Variants in USP31 observed in about 807,000 individuals in gnomAD.
USP31 encodes ubiquitin carboxyl-terminal hydrolase 31.
Under a neutral mutation model 119.4 loss-of-function variants are expected in USP31, and 44 were observed. The observed-to-expected ratio is 0.37, with a 90% CI of 0.29 to 0.47. The LOEUF is 0.47. Ranked by LOEUF, USP31 falls within the 20% of genes least tolerant of loss-of-function variation. The pLI, the probability that USP31 is intolerant of heterozygous loss-of-function variation, is 0.99. For synonymous variants in USP31, 749 were observed against 705.6 expected (o/e 1.06, Z -0.97); for missense variants, 1,643 against 1,730.2 (o/e 0.95, Z 0.89).
Position 23,087,729 on chromosome 16 carries a change from T to C in USP31, c.1522A>G (p.Ile508Val), listed in dbSNP as rs1346830292. 1.9e-6 allele frequency: 3 copies of C among 1,614,022 alleles called. No individual in the cohort carries two copies. The highest frequency in any genetic ancestry group is 2.5e-6 in the Non-Finnish European group (3 of 1,179,934). Residue 508 changes from isoleucine to valine, a missense_variant, in exon 8 of 16, where the codon ATT (isoleucine) becomes GTT (valine). This residue lies in a region of USP31 where 219 missense variants were observed against 226.4 expected (regional missense o/e 0.97). Coordinates refer to ENST00000219689, the MANE Select transcript of USP31 (RefSeq NM_020718.4). ...ATATCAAAATGCTTACAAACCTGAATGCAAACCGTGGGCCTCAAGAAATAC... is the reference window on the plus strand; with the variant it reads ...ATATCAAAATGCTTACAAACCTGAACGCAAACCGTGGGCCTCAAGAAATAC... ...MKYFLRPTVCIQVCPFSLRVV... is the reference protein window; with the variant it reads ...MKYFLRPTVCVQVCPFSLRVV...
intron 1 of USP31, among the ~76,000 whole-genome samples, chr16:23,137,021 TA>T (rs1453109048): frequency 6.6e-6 from 1 of 152,192 alleles, no homozygotes; most frequent in Non-Finnish European, 1.5e-5. Flanking sequence ...AAGACCAGCC[TA>T]GGCAACAAGG....
intron 1 of USP31, among the ~76,000 whole-genome samples, chr16:23,142,435 T>G (rs1006865539): frequency 1.3e-5 from 2 of 152,134 alleles, no homozygotes; most frequent in African/African-American, 4.8e-5. Flanking sequence ...GAGGAAAAAA[T>G]GTTACACGTT....
rs1211513078 is a variant in USP31 at position 23,087,731 on chromosome 16, C to T, written c.1520G>A (p.Cys507Tyr). 1 of 1,614,012 alleles carries T rather than the reference C, an allele frequency of 6.2e-7. No homozygotes were observed. Among genetic ancestry groups the T allele is most frequent in the Non-Finnish European group, 8.5e-7 (1 of 1,179,950 alleles). ...ATCAAAATGCTTACAAACCTGAATGCAAACCGTGGGCCTCAAGAAATACTT... is the reference window on the plus strand; with the variant it reads ...ATCAAAATGCTTACAAACCTGAATGTAAACCGTGGGCCTCAAGAAATACTT... ...KMKYFLRPTV[C>Y]IQVCPFSLRV... Residue 507 changes from cysteine (C) to tyrosine (Y), a missense_variant, in exon 8 of 16, where the codon TGC (cysteine) becomes TAC (tyrosine). Transcript: ENST00000219689.
At chr16:23,128,391 T>C (rs1902930581) in intron 1 of USP31, among the ~76,000 whole-genome samples, 1 of 152,224 alleles carries the variant, frequency 6.6e-6, no homozygotes, top group Admixed American at 6.5e-5. Context: ...TGGGACAATT[T>C]TGAGCATCAA....
rs79005200 is a variant in USP31 at position 23,147,027 on chromosome 16, A to C, written c.633+1611T>G. On this transcript the variant is annotated intron_variant, in intron 1 of 15. Coordinates refer to ENST00000219689, the MANE Select transcript of USP31 (RefSeq NM_020718.4). The stretch of plus-strand genomic sequence containing the variant: ...GAGGTATTAAAAACAGGCTAACATC[A>C]AGCTGAGACTTCGTCCTGGGCAAGA... Among the ~76,000 whole-genome samples the C allele has an allele frequency of 3.4e-3, 513 of 152,024 alleles. 3 individuals carry two copies. Among genetic ancestry groups the C allele is most frequent in the African/African-American group, 0.012 (499 of 41,486 alleles).
At chr16:23,132,861 T>C (rs746374921) in intron 1 of USP31, among the ~76,000 whole-genome samples, 2 of 152,184 alleles carry the variant, frequency 1.3e-5, no homozygotes, top group Non-Finnish European at 2.9e-5. Flanking sequence ...CAAACACCGT[T>C]TTAAAACCTC....
chr16:23,123,475 A>C (rs34105023), intron 1 of USP31, among the ~76,000 whole-genome samples: 2 of 152,006 alleles, frequency 1.3e-5, no homozygotes, highest in South Asian at 2.1e-4. Context: ...GAGGTGGAGG[A>C]TGCAGTGAGC....
At chr16:23,096,214 A>T (rs184014131) in intron 6 of USP31, among the ~76,000 whole-genome samples, 14 of 152,290 alleles carry the variant, frequency 9.2e-5, no homozygotes, top group Non-Finnish European at 1.5e-5. Flanking sequence ...ATAAAACAGA[A>T]TTTAAACCAA....
At chr16:23,086,629 T>G (rs1323330509) in intron 9 of USP31, among the ~76,000 whole-genome samples, 1 of 152,170 alleles carries the variant, frequency 6.6e-6, no homozygotes, top group Non-Finnish European at 1.5e-5. Flanking sequence ...TCATCTGTAC[T>G]TTAATGCTGC....
At chr16:23,083,369 A>G (rs1282322418) in intron 11 of USP31, among the ~76,000 whole-genome samples, 1 of 152,166 alleles carries the variant, frequency 6.6e-6, no homozygotes, top group Non-Finnish European at 1.5e-5. Context: ...AACAGCATGA[A>G]GGCAAAAATG....
chr16:23,098,078 C>A (rs998583356), intron 6 of USP31, among the ~76,000 whole-genome samples: 2 of 151,960 alleles, frequency 1.3e-5, no homozygotes, highest in East Asian at 3.9e-4. Flanking sequence ...AAAACCCCAT[C>A]GTCTCAGCCC....
intron 1 of USP31, among the ~76,000 whole-genome samples, chr16:23,123,081 G>C (rs1902727847): frequency 6.6e-6 from 1 of 152,152 alleles, no homozygotes; most frequent in Non-Finnish European, 1.5e-5. Flanking sequence ...TCTAATGGAT[G>C]GTGTTAGAAG....
intron 1 of USP31, among the ~76,000 whole-genome samples, chr16:23,125,217 C>T (rs1347599183): frequency 6.6e-6 from 1 of 152,138 alleles, no homozygotes; most frequent in Non-Finnish European, 1.5e-5. Context: ...TACTATGTGG[C>T]AATGAAAAGG....
chr16:23,102,511 C>A, intron 5 of USP31, 48 bp from the exon 6 acceptor site: 1 of 1,576,096 alleles, frequency 6.3e-7, no homozygotes, highest in East Asian at 2.3e-5. Flanking sequence ...AAATTCGATA[C>A]TAATTGATCT....
intron 1 of USP31, among the ~76,000 whole-genome samples, chr16:23,129,941 A>T (rs1362196988): frequency 6.6e-6 from 1 of 152,244 alleles, no homozygotes; most frequent in Admixed American, 6.5e-5. Context: ...CCAGCAAAGT[A>T]GTCAGGGGAC....
chr16:23,082,589 C>T, intron 11 of USP31, 32 bp from the exon 12 acceptor site: 3 of 1,612,910 alleles, frequency 1.9e-6, no homozygotes, highest in Non-Finnish European at 2.5e-6. Flanking sequence ...CCGTTAAGTG[C>T]CACTTAATGC....
Position 23,084,963 on chromosome 16 carries a change from T to C in USP31, c.1727A>G (p.Tyr576Cys). 4 of 1,614,084 alleles carry C rather than the reference T, an allele frequency of 2.5e-6. No individual in the cohort carries two copies. The highest frequency in any genetic ancestry group is 3.4e-6 in the Non-Finnish European group (4 of 1,180,024). The change falls in exon 11 of 16, where the codon TAT becomes TGT. Residue 576 changes from tyrosine (Y) to cysteine (C), a missense_variant. By Grantham distance (194) the Tyr-to-Cys change is radical. Coordinates refer to ENST00000219689, the MANE Select transcript of USP31 (RefSeq NM_020718.4). Reference sequence around the variant, plus strand: ...ACGAACACTTTCTGCATCAGGAATATACTCATCCTCAGTATTTACAAATAA... The same window carrying C: ...ACGAACACTTTCTGCATCAGGAATACACTCATCCTCAGTATTTACAAATAA... Reference protein sequence around the residue: ...DFLFVNTEDEYIPDAESVRLQ... With the variant: ...DFLFVNTEDECIPDAESVRLQ...
In USP31 at chr16:23,106,408, G is replaced by A. The variant is rs1902106814; in HGVS notation, c.851C>T (p.Ala284Val). ...TCCGATTTTCTCATACCTGTATTGC[G>A]CTTGAAAGAGTTCTTGTACAAAAGT... ...CSTFVQELFQ[A>V]QYRSSLTCPH... is the part of the protein sequence containing the mutation. Residue 284 changes from alanine (A) to valine (V), a missense_variant, in exon 3 of 16, where the codon GCG becomes GTG. Transcript: ENST00000219689. 1 of 1,613,740 alleles carries A rather than the reference G, an allele frequency of 6.2e-7. No individual in the cohort carries two copies. The highest frequency in any genetic ancestry group is 8.5e-7 in the Non-Finnish European group (1 of 1,179,854).
At chr16:23,072,919 A>G (rs1900406184) in intron 14 of USP31, among the ~76,000 whole-genome samples, 1 of 151,938 alleles carries the variant, frequency 6.6e-6, no homozygotes, top group Admixed American at 6.6e-5. Flanking sequence ...GCAGGGCGTC[A>G]TTCTGCTTGA....
Sources: allele counts gnomAD v4.1 joint callset (sites outside exome capture counted in the v4.1 genomes callset), GRCh38; gene constraint gnomAD v4.1.1; regional missense constraint gnomAD v4.1.1; transcripts MANE v1.5; gene names NCBI Gene and HGNC (gene_info 2026-07-23, HGNC 2026-07-21).